The following FOCAD variants were observed in gnomAD, a reference collection of about 807,000 sequenced individuals.
FOCAD encodes KIAA1797.
Under a neutral mutation model 225.6 loss-of-function variants are expected in FOCAD, and 198 were observed. The ratio of observed to expected loss-of-function variants is 0.88; its 90% CI spans 0.78 to 0.99. The LOEUF (loss-of-function observed/expected upper bound fraction) is 0.99. Ranked by LOEUF, FOCAD falls within the 50% of genes least tolerant of loss-of-function variation. The pLI is 0.00. For missense variants in FOCAD, 2,713 were observed against 2,123.6 expected (o/e 1.28, Z -5.46); for synonymous variants, 897 against 755.0 (o/e 1.19, Z -3.08).
At chr9:20,814,418 C>T (rs867222874) in intron 11 of FOCAD, among the ~76,000 whole-genome samples, 7 of 151,456 alleles carry the variant, frequency 4.6e-5, no homozygotes, top group Non-Finnish European at 7.4e-5. Context: ...TATAGTGGCA[C>T]GATCTTGGCT....
intron 32 of FOCAD, 114 bp from the exon 33 acceptor site, chr9:20,949,490 C>A: frequency 2.7e-6 from 2 of 740,738 alleles, no homozygotes; most frequent in Non-Finnish European, 4.6e-6. Flanking sequence ...AATAGAAGGA[C>A]ATAATGATAA....
At chr9:20,765,183 T>C in intron 7 of FOCAD, 110 bp downstream of exon 7, 2 of 887,016 alleles carry the variant, frequency 2.3e-6, no homozygotes, top group Non-Finnish European at 3.4e-6. Flanking sequence ...TCAGACATGA[T>C]CCTCGCTCTA....
At chr9:20,880,190 A>G (rs1830552347) in intron 19 of FOCAD, among the ~76,000 whole-genome samples, 1 of 152,176 alleles carries the variant, frequency 6.6e-6, no homozygotes, top group African/African-American at 2.4e-5. Context: ...AATTGGAGAG[A>G]GTTTAATAAA....
At position 20,993,328 on chromosome 9, in the gene FOCAD, G is replaced by A. The variant is rs754825550; in HGVS notation, c.5332G>A (p.Ala1778Thr). The A allele has an allele frequency of 1.9e-6, 3 of 1,611,896 alleles. No individual in the cohort carries two copies. In the South Asian group the frequency reaches 3.3e-5, roughly 18 times the overall value. Residue 1778 changes from alanine to threonine, a missense_variant and splice_region_variant, in exon 43 of 44, where the codon GCC becomes ACC. By Grantham distance (58) the Ala-to-Thr change is moderately conservative. Coordinates refer to ENST00000338382, the MANE Select transcript of FOCAD (RefSeq NM_001375567.1). ...LSAQSRDLLK[A>T]TLLSLRVLPE... Reference sequence around the variant, plus strand: ...AGCACAGTCCAGGGATCTTTTGAAAGGTATTACTTCCATGTTTTATGCTCA... The same window carrying A: ...AGCACAGTCCAGGGATCTTTTGAAAAGTATTACTTCCATGTTTTATGCTCA...
chr9:20,733,167 T>C (rs1826855914), intron 4 of FOCAD, among the ~76,000 whole-genome samples: 1 of 152,180 alleles, frequency 6.6e-6, no homozygotes, highest in Non-Finnish European at 1.5e-5. Flanking sequence ...TCTGCTTATC[T>C]AAAGTCTAAT....
chr9:20,738,744 A>G (rs955274877), intron 4 of FOCAD, among the ~76,000 whole-genome samples: 2 of 152,220 alleles, frequency 1.3e-5, no homozygotes, highest in African/African-American at 4.8e-5. Context: ...GTGCTGTGAA[A>G]TAGAAATATA....
chr9:20,845,933 G>A (rs534457709), intron 15 of FOCAD, among the ~76,000 whole-genome samples: 2 of 152,190 alleles, frequency 1.3e-5, no homozygotes, highest in African/African-American at 4.8e-5. Context: ...ACTATATGAT[G>A]CATTGAAATA....
intron 15 of FOCAD, among the ~76,000 whole-genome samples, chr9:20,831,051 A>G (rs1825439736): frequency 6.6e-6 from 1 of 152,088 alleles, no homozygotes; most frequent in Non-Finnish European, 1.5e-5. Context: ...CCGTAGTTTT[A>G]AAGCAATTAT....
At chr9:20,784,471 A>G (rs560798495) in intron 10 of FOCAD, among the ~76,000 whole-genome samples, 3 of 152,344 alleles carry the variant, frequency 2.0e-5, no homozygotes, top group South Asian at 4.1e-4. Flanking sequence ...GAAGTAAGAA[A>G]GAATCGGAAA....
chr9:20,900,800 G>T (rs1369468786), intron 21 of FOCAD, among the ~76,000 whole-genome samples: 1 of 151,852 alleles, frequency 6.6e-6, no homozygotes, highest in Admixed American at 6.6e-5. Flanking sequence ...TTAAATAACA[G>T]AATAAATGGT....
chr9:20,955,440 C>G (rs1838048143), intron 35 of FOCAD, among the ~76,000 whole-genome samples: 1 of 151,796 alleles, frequency 6.6e-6, no homozygotes. Context: ...TCATGCAGAC[C>G]CACATTTTAA....
chr9:20,817,515 C>A (rs1017130594), intron 11 of FOCAD, among the ~76,000 whole-genome samples: 1 of 151,982 alleles, frequency 6.6e-6, no homozygotes, highest in Non-Finnish European at 1.5e-5. Context: ...TGTATCAGTA[C>A]TTCCTTTATT....
chr9:20,777,050 C>T (rs551976015), intron 8 of FOCAD, among the ~76,000 whole-genome samples: 13 of 151,946 alleles, frequency 8.6e-5, no homozygotes, highest in Admixed American at 2.0e-4. Flanking sequence ...TGGAATATAT[C>T]CCATTTTTAA....
chr9:20,957,019 T>C (rs1215765170), intron 35 of FOCAD, among the ~76,000 whole-genome samples: 2 of 152,112 alleles, frequency 1.3e-5, no homozygotes, highest in African/African-American at 4.8e-5. Flanking sequence ...AATATTATAT[T>C]ATAAACTTTC....
chr9:20,722,292 T>C (rs1282366003), intron 4 of FOCAD, among the ~76,000 whole-genome samples: 1 of 152,050 alleles, frequency 6.6e-6, no homozygotes, highest in Non-Finnish European at 1.5e-5. Flanking sequence ...TCAAGTTATG[T>C]TTCCCCCCAT....
chr9:20,753,081 G>A (rs1828715819), intron 5 of FOCAD, among the ~76,000 whole-genome samples: 1 of 152,128 alleles, frequency 6.6e-6, no homozygotes, highest in African/African-American at 2.4e-5. Flanking sequence ...GGGTTTTCTA[G>A]ATATACAATC....
intron 2 of FOCAD, among the ~76,000 whole-genome samples, chr9:20,663,118 G>C (rs1821784186): frequency 6.6e-6 from 1 of 152,154 alleles, no homozygotes; most frequent in Non-Finnish European, 1.5e-5. Context: ...GGGTGTGATA[G>C]CTTCATGCCT....
chr9:20,743,789 C>T (rs941893205), intron 5 of FOCAD, among the ~76,000 whole-genome samples: 1 of 152,202 alleles, frequency 6.6e-6, no homozygotes, highest in Non-Finnish European at 1.5e-5. Context: ...GTGGATTACA[C>T]ATGAGAACTA....
chr9:20,981,582 G>C lies in FOCAD; in HGVS notation c.4534G>C (p.Gly1512Arg). The C allele has an allele frequency of 6.2e-7, 1 of 1,613,942 alleles. No homozygotes were observed. The highest frequency in any genetic ancestry group is 8.5e-7 in the Non-Finnish European group (1 of 1,179,986). ...SPELCPSALH[G>R]LSQAMKLPSP... ...TGAGCTATGCCCAAGTGCTTTACACGGTCTGAGCCAGGCCATGAAACTGCC... is the reference window on the plus strand; with the variant it reads ...TGAGCTATGCCCAAGTGCTTTACACCGTCTGAGCCAGGCCATGAAACTGCC... The change falls in exon 38 of 44, where the codon GGT becomes CGT. Residue 1512 changes from glycine to arginine, a missense_variant. Coordinates refer to ENST00000338382, the MANE Select transcript of FOCAD (RefSeq NM_001375567.1).
Sources: allele counts gnomAD v4.1 joint callset (sites outside exome capture counted in the v4.1 genomes callset), GRCh38; gene constraint gnomAD v4.1.1; transcripts MANE v1.5; gene names NCBI Gene and HGNC (gene_info 2026-07-23, HGNC 2026-07-21).